TRIP10: variants seen among roughly 807,000 people sequenced by gnomAD.
TRIP10 encodes cdc42-interacting protein 4.
Under a neutral mutation model 80.9 loss-of-function variants are expected in TRIP10, and 54 were observed. The observed-to-expected ratio is 0.67, with a 90% CI of 0.54 to 0.84. The LOEUF (loss-of-function observed/expected upper bound fraction) is 0.84. Ranked by LOEUF, TRIP10 falls within the 40% of genes least tolerant of loss-of-function variation. The pLI is 0.00. For missense variants in TRIP10, 773 were observed against 815.3 expected (o/e 0.95, Z 0.63); for synonymous variants, 321 against 307.2 (o/e 1.04, Z -0.47).
chr19:6,744,639 C>A lies in TRIP10; in HGVS notation c.728C>A (p.Pro243His). Residue 243 changes from proline (P) to histidine (H), a missense_variant, in exon 8 of 15, where the codon CCC (proline) becomes CAC (histidine). Pro to His is a moderately conservative substitution (Grantham distance 77). Coordinates refer to ENST00000313244, the MANE Select transcript of TRIP10 (RefSeq NM_001288962.2). This position sits in a 1 kb window ranked among gnomAD's most constrained non-coding sequence, Gnocchi z 4.9. The stretch of plus-strand genomic sequence containing the variant: ...TCGGAGGCCGAGCTGGAGGTGGTGC[C>A]CATAATAGCCAAGTGCTTGGAGGGC... ...LLSEAELEVV[P>H]IIAKCLEGMK... 6.2e-7 allele frequency: 1 copy of A among 1,613,392 alleles called. No homozygotes were observed. Among genetic ancestry groups the A allele is most frequent in the Non-Finnish European group, 8.5e-7 (1 of 1,179,694 alleles).
At position 6,751,091 on chromosome 19, in the gene TRIP10, C is replaced by G. The variant is rs1599571818; in HGVS notation, c.1686C>G (p.Ala562=). ...CCAGCGAGGGCACTATCTCTATGGC[C>G]GAGGGTGAAGACCTCAGTCTTATGG... ...EGSSEGTISM[A]EGEDLSLMEE... is the part of the protein sequence containing the mutation. Residue 562 remains alanine, a synonymous_variant, in exon 15 of 15, where the codon GCC becomes GCG. Transcript: ENST00000313244. The G allele has an allele frequency of 1.2e-6, 2 of 1,604,298 alleles. No individual in the cohort carries two copies. The highest frequency in any genetic ancestry group is 1.7e-6 in the Non-Finnish European group (2 of 1,174,060).
Position 6,741,207 on chromosome 19 carries a change from A to G in TRIP10, c.141-18A>G, listed in dbSNP as rs934457844. On this transcript the variant is annotated intron_variant, in intron 2 of 14. Coordinates refer to ENST00000313244, the MANE Select transcript of TRIP10 (RefSeq NM_001288962.2). ...GGAGGGCTGCGGGCTCAGCCCTCCTACCTCTGTCTCCCCTTAGGAGCCTGG... is the reference window on the plus strand; with the variant it reads ...GGAGGGCTGCGGGCTCAGCCCTCCTGCCTCTGTCTCCCCTTAGGAGCCTGG... 34 of 1,612,748 alleles carry G rather than the reference A, an allele frequency of 2.1e-5. No individual in the cohort carries two copies. Among genetic ancestry groups the G allele is most frequent in the Non-Finnish European group, 2.9e-5 (34 of 1,179,382 alleles).
chr19:6,750,143 G>GGGGC, intron 12 of TRIP10, 77 bp downstream of exon 12: 3 of 842,266 alleles, frequency 3.6e-6, no homozygotes, highest in Non-Finnish European at 5.6e-6. Context: ...GGGGGTCGGG[G>GGGGC]ACAGGGGAGG....
At chr19:6,749,673 C>T (rs62125120) in intron 11 of TRIP10, among the ~76,000 whole-genome samples, 13,368 of 152,070 alleles carry the variant, frequency 0.088, 620 homozygotes, top group African/African-American at 0.098. Context: ...CATAGCCAGA[C>T]CCCATCTCTA....
chr19:6,750,417 G>A lies in TRIP10; in HGVS notation c.1521G>A (p.Gln507=). ...ACAGCAGCAGCAACAGCGCATCACA[G>A]GACACCAAGGAGAGGTGAGGGGTGA... ...PPDSSSNSAS[Q]DTKESSEEPP... Residue 507 remains glutamine, a synonymous_variant, in exon 13 of 15, where the codon CAG becomes CAA. Transcript: ENST00000313244. The A allele has an allele frequency of 1.2e-6, 2 of 1,614,150 alleles. No homozygotes were observed. The highest frequency in any genetic ancestry group is 1.7e-6 in the Non-Finnish European group (2 of 1,180,016).
intron 11 of TRIP10, among the ~76,000 whole-genome samples, chr19:6,747,725 G>A (rs1243066090): frequency 4.6e-5 from 7 of 152,066 alleles, no homozygotes; most frequent in South Asian, 4.2e-4. Context: ...CCTGGGAGGC[G>A]GAGGTTGCAG....
At chr19:6,743,623 G>C (rs339407) in intron 6 of TRIP10, 25 bp downstream of exon 6, 753,177 of 1,437,564 alleles carry the variant, frequency 0.52, 181,305 homozygotes, top group East Asian at 0.65. Flanking sequence ...GGCGGGGGGG[G>C]GGTGCGGGGT....
In TRIP10 at chr19:6,744,409, G is replaced by A; in HGVS notation, c.643-145G>A. ...TCTTCCCCAACCACAGTGGGCTGGA[G>A]TCTCTCTTCCCGACTCTGTCTTCCC... On this transcript the variant is annotated intron_variant, in intron 7 of 14. Coordinates refer to ENST00000313244, the MANE Select transcript of TRIP10 (RefSeq NM_001288962.2). The surrounding 1 kb of genome is among the most constrained non-coding windows in gnomAD (Gnocchi z 4.9). 8.2e-7 allele frequency: 1 copy of A among 1,222,580 alleles called. No individual in the cohort carries two copies. Among genetic ancestry groups the A allele is most frequent in the East Asian group, 2.4e-5 (1 of 42,410 alleles). The allele number at this position is 1,222,580 out of a possible 1,614,324, so 75.7% of individuals were successfully genotyped here.
chr19:6,751,483 GGA>G lies in TRIP10; in HGVS notation c.*273_*274del, dbSNP rs761345909. On this transcript the variant is annotated 3_prime_UTR_variant, in exon 15 of 15. Transcript: ENST00000313244. Reference sequence around the variant, plus strand: ...GGCCATTTTGTTTTATACAAAAATGGGAAAAAAAAAAAAGAAATTATATAAAG... The same window carrying G: ...GGCCATTTTGTTTTATACAAAAATGGAAAAAAAAAAAGAAATTATATAAAG... The G allele has an allele frequency of 2.8e-4, 210 of 749,358 alleles. 5 individuals carry two copies. In the South Asian group the frequency reaches 0.01, roughly 37 times the overall value. The allele number at this position is 749,358 out of a possible 1,614,324, so 46.4% of individuals were successfully genotyped here.
Position 6,746,439 on chromosome 19 carries a change from A to C in TRIP10, c.1153-13A>C, listed in dbSNP as rs74349758. ...TCCTTGATCCCAAATTCAGCCCTCTACCCACCTTGCAGACAGTGGTGACCG... is the reference window on the plus strand; with the variant it reads ...TCCTTGATCCCAAATTCAGCCCTCTCCCCACCTTGCAGACAGTGGTGACCG... On this transcript the variant is annotated splice_polypyrimidine_tract_variant and intron_variant, in intron 10 of 14. Transcript: ENST00000313244. The surrounding 1 kb of genome is among the most constrained non-coding windows in gnomAD (Gnocchi z 6.2). The C allele has an allele frequency of 0.013, 21,089 of 1,613,782 alleles. 195 individuals carry two copies. The highest frequency in any genetic ancestry group is 0.018 in the South Asian group (1,683 of 91,064).
Position 6,743,206 on chromosome 19 carries a change from GGGC to G in TRIP10, c.364_366del (p.Arg122del). ...CTTCTTTCTGTAGCACTTCCAAGAA[GGGC>G]GGCGGGCCCAGCAGCAGCTGGAAAA... On this transcript the variant is annotated inframe_deletion, in exon 5 of 15. Coordinates refer to ENST00000313244, the MANE Select transcript of TRIP10 (RefSeq NM_001288962.2). 6.2e-7 allele frequency: 1 copy of G among 1,614,160 alleles called. No individual in the cohort carries two copies.
At chr19:6,740,327 C>G (rs1271439086) in intron 1 of TRIP10, among the ~76,000 whole-genome samples, 7 of 152,210 alleles carry the variant, frequency 4.6e-5, no homozygotes, top group African/African-American at 1.7e-4. Flanking sequence ...CTGCTCACCC[C>G]AGGCCCAGGG....
intron 12 of TRIP10, 67 bp downstream of exon 12, chr19:6,750,133 G>C (rs1483953346): frequency 3.2e-6 from 5 of 1,550,248 alleles, no homozygotes; most frequent in East Asian, 4.6e-5. Context: ...GGGTGGGGTG[G>C]GGGGTCGGGG....
rs1599563109 is a variant in TRIP10, at chr19:6,745,192, T to G, written c.984+198T>G. Reference sequence around the variant, plus strand: ...CCCCGAGGCGAAGGCGGGGGCAGGGTGGGGAGGTGGGGAGGTCCGTGGCGT... The same window carrying G: ...CCCCGAGGCGAAGGCGGGGGCAGGGGGGGGAGGTGGGGAGGTCCGTGGCGT... On this transcript the variant is annotated intron_variant, in intron 9 of 14. Coordinates refer to ENST00000313244, the MANE Select transcript of TRIP10 (RefSeq NM_001288962.2). This position sits in a 1 kb window ranked among gnomAD's most constrained non-coding sequence, Gnocchi z 7.2. 6.1e-6 allele frequency: 4 copies of G among 652,088 alleles called. No homozygotes were observed. The highest frequency in any genetic ancestry group is 2.2e-5 in the South Asian group (1 of 45,192). The allele number at this position is 652,088 out of a possible 1,614,324, so 40.4% of individuals were successfully genotyped here. A position where few individuals can be genotyped will look rare whatever the true frequency, so the allele number is the denominator to read the frequency against.
chr19:6,749,911 C>G, intron 11 of TRIP10, 23 bp from the exon 12 acceptor site: 1 of 1,608,286 alleles, frequency 6.2e-7, no homozygotes, highest in Non-Finnish European at 8.5e-7. Context: ...GTTTTCCTGT[C>G]TATCCTGTCT....
Position 6,746,163 on chromosome 19 carries a change from AGCATCCTTCC to A in TRIP10, c.1123_1132del (p.Ser375AlafsTer10), listed in dbSNP as rs768553936. On this transcript the variant is annotated frameshift_variant, in exon 10 of 15. Transcript: ENST00000313244. LOFTEE classifies it high-confidence loss of function. The surrounding 1 kb of genome is among the most constrained non-coding windows in gnomAD (Gnocchi z 6.2). ...TCAGTAAGTCGGTCAAACCGAGGCT[AGCATCCTTCC>A]GCAGCCTTCGAGGCAGCCGTGGGGT... 35 of 1,545,894 alleles carry A rather than the reference AGCATCCTTCC, an allele frequency of 2.3e-5. No individual in the cohort carries two copies. The highest frequency in any genetic ancestry group is 4.9e-5 in the East Asian group (2 of 40,770).
intron 12 of TRIP10, 63 bp from the exon 13 acceptor site, chr19:6,750,229 G>A: frequency 1.3e-6 from 2 of 1,598,216 alleles, no homozygotes; most frequent in Non-Finnish European, 1.7e-6. Flanking sequence ...GGAACCTCTG[G>A]GTCCAAAGTG....
intron 3 of TRIP10, 80 bp downstream of exon 3, chr19:6,741,361 GAC>G: frequency 6.7e-7 from 1 of 1,486,994 alleles, no homozygotes; most frequent in Non-Finnish European, 9.2e-7. Flanking sequence ...CCTCAGCTGG[GAC>G]ACCCCACCGC....
At position 6,743,500 on chromosome 19, in the gene TRIP10, C is replaced by T. The variant is rs144976733; in HGVS notation, c.415C>T (p.Arg139Cys). ...NGFKQLENSK[R>C]KFERDCREAE... The stretch of plus-strand genomic sequence containing the variant: ...GGTTCTGTCCCCTACACAGAGTAAG[C>T]GTAAATTTGAGCGGGACTGCCGGGA... The change falls in exon 6 of 15, where the codon CGT (arginine) becomes TGT (cysteine). Residue 139 changes from arginine (R) to cysteine (C), a missense_variant. Coordinates refer to ENST00000313244, the MANE Select transcript of TRIP10 (RefSeq NM_001288962.2). The T allele has an allele frequency of 1.1e-5, 18 of 1,613,394 alleles. No individual in the cohort carries two copies. Among genetic ancestry groups the T allele is most frequent in the African/African-American group, 9.4e-5 (7 of 74,780 alleles).
Sources: allele counts gnomAD v4.1 joint callset (sites outside exome capture counted in the v4.1 genomes callset), GRCh38; gene constraint gnomAD v4.1.1; non-coding constraint Gnocchi (gnomAD v3.1); transcripts MANE v1.5; gene names NCBI Gene and HGNC (gene_info 2026-07-23, HGNC 2026-07-21).